The following WDTC1 variants were observed in gnomAD, a reference collection of about 807,000 sequenced individuals.
WDTC1 encodes the protein WD and tetratricopeptide repeats 1, also known as WD and tetratricopeptide repeats protein 1.
A neutral mutation model predicts 76.0 loss-of-function variants in WDTC1; 12 were observed. The observed-to-expected ratio is 0.16, with a 90% CI of 0.10 to 0.26. WDTC1 has a LOEUF of 0.26. Among genes scored for constraint, WDTC1 ranks in the 10% least tolerant of loss-of-function variants. The pLI, the probability that WDTC1 is intolerant of heterozygous loss-of-function variation, is 1.00. For missense variants in WDTC1, 511 were observed against 908.8 expected, an observed-to-expected ratio of 0.56 and a Z score of 5.63; for synonymous variants, 326 against 350.8, an observed-to-expected ratio of 0.93 and a Z score of 0.79.
intron 1 of WDTC1, among the ~76,000 whole-genome samples, chr1:27,242,860 A>G (rs1476837986): frequency 6.6e-6 from 1 of 152,194 alleles, no homozygotes; most frequent in Non-Finnish European, 1.5e-5. Flanking sequence ...AGCTTCCCAG[A>G]AAGTAAAGCA....
intron 1 of WDTC1, among the ~76,000 whole-genome samples, chr1:27,236,344 G>A (rs2011489863): frequency 6.6e-6 from 1 of 152,146 alleles, no homozygotes; most frequent in African/African-American, 2.4e-5. Flanking sequence ...TCGTTGGCAG[G>A]TGGGAAATGA....
At chr1:27,289,474 G>A (rs1185213422) in intron 6 of WDTC1, among the ~76,000 whole-genome samples, 4 of 147,726 alleles carry the variant, frequency 2.7e-5, no homozygotes, top group South Asian at 2.2e-4. Flanking sequence ...GATGGCGGCC[G>A]GGCAGAGACG....
At chr1:27,277,387 C>T (rs1432935811) in intron 3 of WDTC1, among the ~76,000 whole-genome samples, 1 of 152,112 alleles carries the variant, frequency 6.6e-6, no homozygotes, top group Non-Finnish European at 1.5e-5. Flanking sequence ...CAACTTCATT[C>T]TTTTACATGT....
At chr1:27,256,246 C>T (rs2012276911) in intron 1 of WDTC1, among the ~76,000 whole-genome samples, 1 of 152,072 alleles carries the variant, frequency 6.6e-6, no homozygotes, top group South Asian at 2.1e-4. Context: ...GACTTAATGG[C>T]CACTGTGGCC....
Position 27,307,387 on chromosome 1 carries a change from C to G in WDTC1, c.*1004C>G, listed in dbSNP as rs919950679. ...GGAAAGTCCCTTACTCGGCCCCTCC[C>G]TCCCCAGCAGCCCCAAGCTTTACAC... On this transcript the variant is annotated 3_prime_UTR_variant, in exon 16 of 16. Transcript: ENST00000319394. The surrounding 1 kb of genome is among the most constrained non-coding windows in gnomAD (Gnocchi z 4.1). The G allele has an allele frequency of 6.5e-6, 1 of 153,216 alleles. No homozygotes were observed. The highest frequency in any genetic ancestry group is 1.9e-4 in the East Asian group (1 of 5,202). 9.5% of individuals were successfully genotyped at this position (153,216 alleles called of 1,614,324 possible).
At chr1:27,271,796 C>T (rs977941711) in intron 3 of WDTC1, among the ~76,000 whole-genome samples, 1 of 151,206 alleles carries the variant, frequency 6.6e-6, no homozygotes, top group Admixed American at 6.6e-5. Context: ...TGCTACCATG[C>T]CTGGTGATTT....
intron 3 of WDTC1, among the ~76,000 whole-genome samples, chr1:27,271,556 A>T (rs1456410538): frequency 6.6e-6 from 1 of 152,094 alleles, no homozygotes; most frequent in Admixed American, 6.6e-5. Context: ...TCAAAAAGTA[A>T]AATTAAATCA....
chr1:27,261,067 A>G lies in WDTC1; in HGVS notation c.13A>G (p.Asn5Asp). MAKV[N>D]ITRDLIRRQI... ...CCATTAAGAAAAGATGGCGAAAGTC[A>G]ACATAACTAGAGACCTCATCCGTAG... Residue 5 changes from asparagine (N) to aspartate (D), a missense_variant, in exon 2 of 16, where the codon AAC (asparagine) becomes GAC (aspartate). Coordinates refer to ENST00000319394, the MANE Select transcript of WDTC1 (RefSeq NM_001276252.2). 6.2e-7 allele frequency: 1 copy of G among 1,614,214 alleles called. No homozygotes were observed. The highest frequency in any genetic ancestry group is 8.5e-7 in the Non-Finnish European group (1 of 1,180,032).
chr1:27,245,413 T>C (rs1056418324), intron 1 of WDTC1, among the ~76,000 whole-genome samples: 4 of 151,664 alleles, frequency 2.6e-5, no homozygotes, highest in African/African-American at 7.3e-5. Flanking sequence ...GAGCAGGCCC[T>C]CAGCATGCTT....
rs1557512692 is a variant in WDTC1 at position 27,306,138 on chromosome 1, CCT to C, written c.1837-44_1837-43del. The C allele has an allele frequency of 6.2e-7, 1 of 1,606,526 alleles. No individual in the cohort carries two copies. The highest frequency in any genetic ancestry group is 1.1e-5 in the South Asian group (1 of 90,856). ...CCTCCCCTATACGTGTACCCTGGTG[CCT>C]CTCCCTCCCTGAGCCCCACGTGTGT... On this transcript the variant is annotated intron_variant, in intron 15 of 15. Transcript: ENST00000319394. This position sits in a 1 kb window ranked among gnomAD's most constrained non-coding sequence, Gnocchi z 5.0.
At position 27,303,874 on chromosome 1, in the gene WDTC1, C is replaced by T; in HGVS notation, c.1643+79C>T. 1.9e-6 allele frequency: 3 copies of T among 1,561,356 alleles called. No homozygotes were observed. The highest frequency in any genetic ancestry group is 2.6e-6 in the Non-Finnish European group (3 of 1,148,276). On this transcript the variant is annotated intron_variant, in intron 14 of 15. Transcript: ENST00000319394. The surrounding 1 kb of genome is among the most constrained non-coding windows in gnomAD (Gnocchi z 4.8). Reference sequence around the variant, plus strand: ...GGGGAGTGTTGGGGCATAATGGTTTCAGAGAAGAATCTCAAATCCCTGCTC... The same window carrying T: ...GGGGAGTGTTGGGGCATAATGGTTTTAGAGAAGAATCTCAAATCCCTGCTC...
intron 1 of WDTC1, among the ~76,000 whole-genome samples, chr1:27,244,816 T>TC (rs1431061555): frequency 2.6e-5 from 4 of 152,194 alleles, no homozygotes; most frequent in Non-Finnish European, 5.9e-5. Context: ...GGGTCAGTTG[T>TC]CACCCTGGTT....
chr1:27,303,936 T>A lies in WDTC1; in HGVS notation c.1643+141T>A. On this transcript the variant is annotated intron_variant, in intron 14 of 15. Coordinates refer to ENST00000319394, the MANE Select transcript of WDTC1 (RefSeq NM_001276252.2). The surrounding 1 kb of genome is among the most constrained non-coding windows in gnomAD (Gnocchi z 4.8). Reference sequence around the variant, plus strand: ...CCTTGGGCAAATGGCTTCACCTTTGTCAGCCTCTAAAGTTTTTTAATCTAT... The same window carrying A: ...CCTTGGGCAAATGGCTTCACCTTTGACAGCCTCTAAAGTTTTTTAATCTAT... The A allele has an allele frequency of 8.7e-7, 1 of 1,153,554 alleles. No individual in the cohort carries two copies. The highest frequency in any genetic ancestry group is 1.2e-6 in the Non-Finnish European group (1 of 818,958). The allele number at this position is 1,153,554 out of a possible 1,614,324, so 71.5% of individuals were successfully genotyped here. A position where few individuals can be genotyped will look rare whatever the true frequency, so the allele number is the denominator to read the frequency against.
Position 27,261,067 on chromosome 1 carries a change from A to C in WDTC1, c.13A>C (p.Asn5His). The change falls in exon 2 of 16, where the codon AAC becomes CAC. Residue 5 changes from asparagine (N) to histidine (H), a missense_variant. Asn to His is a moderately conservative substitution (Grantham distance 68). Transcript: ENST00000319394. Reference sequence around the variant, plus strand: ...CCATTAAGAAAAGATGGCGAAAGTCAACATAACTAGAGACCTCATCCGTAG... The same window carrying C: ...CCATTAAGAAAAGATGGCGAAAGTCCACATAACTAGAGACCTCATCCGTAG... MAKV[N>H]ITRDLIRRQI... 1 of 1,614,214 alleles carries C rather than the reference A, an allele frequency of 6.2e-7. No homozygotes were observed. The highest frequency in any genetic ancestry group is 8.5e-7 in the Non-Finnish European group (1 of 1,180,032).
intron 3 of WDTC1, among the ~76,000 whole-genome samples, chr1:27,281,576 T>C (rs537149463): frequency 6.6e-6 from 1 of 152,154 alleles, no homozygotes; most frequent in Non-Finnish European, 1.5e-5. Flanking sequence ...TTCAGACATA[T>C]CTCTTTTTCT....
At chr1:27,283,099 C>A (rs2013236075) in intron 4 of WDTC1, among the ~76,000 whole-genome samples, 1 of 150,716 alleles carries the variant, frequency 6.6e-6, no homozygotes, top group Non-Finnish European at 1.5e-5. Context: ...GATCGCGCCA[C>A]TGCACTTCCA....
intron 10 of WDTC1, 137 bp downstream of exon 10, chr1:27,296,538 A>G: frequency 1.2e-5 from 10 of 856,614 alleles, no homozygotes; most frequent in Non-Finnish European, 1.9e-5. Context: ...AACCCCACCT[A>G]TGCAGTAAGA....
chr1:27,279,279 A>G (rs1021665085), intron 3 of WDTC1, among the ~76,000 whole-genome samples: 1 of 152,122 alleles, frequency 6.6e-6, no homozygotes, highest in Non-Finnish European at 1.5e-5. Flanking sequence ...CACGCATGTA[A>G]TCCCAGCACT....
chr1:27,289,807 A>G (rs1280969458), intron 6 of WDTC1, among the ~76,000 whole-genome samples: 1 of 151,534 alleles, frequency 6.6e-6, no homozygotes, highest in Non-Finnish European at 1.5e-5. Context: ...ACACAGCGAA[A>G]CCCCGTCTCC....
Sources: allele counts gnomAD v4.1 joint callset (sites outside exome capture counted in the v4.1 genomes callset), GRCh38; gene constraint gnomAD v4.1.1; non-coding constraint Gnocchi (gnomAD v3.1); transcripts MANE v1.5; gene names NCBI Gene and HGNC (gene_info 2026-07-23, HGNC 2026-07-21).